Variants in TMEM132D observed in about 807,000 individuals in gnomAD.
TMEM132D encodes transmembrane protein 132D.
In TMEM132D, 21 loss-of-function variants were observed where a neutral mutation model predicts 62.3. The observed-to-expected ratio is 0.34, with a 90% CI of 0.24 to 0.49. TMEM132D has a LOEUF of 0.49. Among genes scored for constraint, TMEM132D ranks in the 20% least tolerant of loss-of-function variants. The pLI is 0.99. For missense variants in TMEM132D, 1,346 were observed against 1,402.8 expected (o/e 0.96, Z 0.65); for synonymous variants, 621 against 575.6 (o/e 1.08, Z -1.13).
intron 2 of TMEM132D, among the ~76,000 whole-genome samples, chr12:129,691,545 A>T (rs1881061048): frequency 6.6e-6 from 1 of 152,098 alleles, no homozygotes; most frequent in Admixed American, 6.5e-5. Flanking sequence ...CTTCTTTGAG[A>T]TATATTGCAC....
chr12:129,276,394 C>G (rs1169060908), intron 4 of TMEM132D, among the ~76,000 whole-genome samples: 1 of 152,178 alleles, frequency 6.6e-6, no homozygotes, highest in African/African-American at 2.4e-5. Context: ...TTCAAGGACA[C>G]TTACAATAAA....
intron 4 of TMEM132D, among the ~76,000 whole-genome samples, chr12:129,271,298 A>T (rs762280155): frequency 6.6e-6 from 1 of 150,518 alleles, no homozygotes; most frequent in African/African-American, 2.5e-5. Flanking sequence ...CCAAAGCTAA[A>T]ATCAGAACAG....
chr12:129,452,399 G>A (rs565699534), intron 3 of TMEM132D, among the ~76,000 whole-genome samples: 44 of 152,292 alleles, frequency 2.9e-4, no homozygotes, highest in Middle Eastern at 3.4e-3. Flanking sequence ...TTCATCTTCC[G>A]TGCTTACAAA....
intron 5 of TMEM132D, among the ~76,000 whole-genome samples, chr12:129,140,241 C>CACAA (rs1390639586): frequency 6.6e-6 from 1 of 151,630 alleles, no homozygotes; most frequent in East Asian, 1.9e-4. Flanking sequence ...CACACACACA[C>CACAA]ACGGTAACTA....
chr12:129,185,439 C>G (rs761015229), intron 5 of TMEM132D, among the ~76,000 whole-genome samples: 2 of 152,072 alleles, frequency 1.3e-5, no homozygotes, highest in African/African-American at 4.8e-5. Context: ...AATGTGTCCA[C>G]GCATAAAGTG....
chr12:129,762,099 C>A (rs1295764757), intron 1 of TMEM132D, among the ~76,000 whole-genome samples: 1 of 152,178 alleles, frequency 6.6e-6, no homozygotes, highest in Non-Finnish European at 1.5e-5. Flanking sequence ...GGGGCTCCAA[C>A]TGCACACTTA....
chr12:129,782,541 C>A (rs61943425), intron 1 of TMEM132D, among the ~76,000 whole-genome samples: 9,073 of 152,294 alleles, frequency 0.06, 317 homozygotes, highest in East Asian at 0.1. Flanking sequence ...CCTAAAATTG[C>A]GCCTGGCCTC....
intron 3 of TMEM132D, among the ~76,000 whole-genome samples, chr12:129,514,147 C>A (rs1429466508): frequency 6.6e-6 from 1 of 152,028 alleles, no homozygotes; most frequent in East Asian, 1.9e-4. Context: ...CCAATGGGGA[C>A]CAAATTTTAA....
At chr12:129,704,892 G>T (rs995574548) in intron 1 of TMEM132D, among the ~76,000 whole-genome samples, 2 of 151,764 alleles carry the variant, frequency 1.3e-5, no homozygotes, top group South Asian at 2.1e-4. Context: ...TATACAAAAT[G>T]ACTTCGGAGC....
At chr12:129,116,730 A>AC (rs113426141) in intron 5 of TMEM132D, among the ~76,000 whole-genome samples, 321 of 152,222 alleles carry the variant, frequency 2.1e-3, no homozygotes, top group African/African-American at 7.1e-3. Flanking sequence ...AATCCAAAAT[A>AC]CTGACAACAC....
intron 1 of TMEM132D, among the ~76,000 whole-genome samples, chr12:129,723,032 G>A (rs1868898009): frequency 6.6e-6 from 1 of 152,108 alleles, no homozygotes; most frequent in Non-Finnish European, 1.5e-5. Context: ...GTAAGCCACT[G>A]TGCCCGGCCG....
intron 3 of TMEM132D, among the ~76,000 whole-genome samples, chr12:129,475,278 AAAG>A (rs1874223232): frequency 6.6e-6 from 1 of 152,198 alleles, no homozygotes; most frequent in Non-Finnish European, 1.5e-5. Context: ...CTGGAACCAC[AAAG>A]AAGGCCACTG....
intron 2 of TMEM132D, among the ~76,000 whole-genome samples, chr12:129,609,245 A>C (rs1878706932): frequency 6.6e-6 from 1 of 152,048 alleles, no homozygotes; most frequent in Admixed American, 6.5e-5. Context: ...ATGCCTGGCC[A>C]AGTTGTTCAC....
intron 5 of TMEM132D, chr12:129,085,203 T>G (rs1182499363): frequency 6.1e-6 from 1 of 164,662 alleles, no homozygotes; most frequent in Non-Finnish European, 1.3e-5. Flanking sequence ...CACCTGGACC[T>G]GACCTTGCTT....
Position 129,071,990 on chromosome 12 carries a change from G to A in TMEM132D, c.*1885C>T, listed in dbSNP as rs1370928864. The A allele has an allele frequency of 6.6e-6, 1 of 152,124 alleles. No individual in the cohort carries two copies. Among genetic ancestry groups the A allele is most frequent in the African/African-American group, 2.4e-5 (1 of 41,420 alleles). The allele number at this position is 152,124 out of a possible 1,614,324, so 9.4% of individuals were successfully genotyped here. Reference sequence around the variant, plus strand: ...TGCGGACAGGAGCAGGTGACTTACTGGCTGCAGAAACCTCAGTCTCAAGAG... The same window carrying A: ...TGCGGACAGGAGCAGGTGACTTACTAGCTGCAGAAACCTCAGTCTCAAGAG... On this transcript the variant is annotated 3_prime_UTR_variant, in exon 9 of 9. Transcript: ENST00000422113.
intron 1 of TMEM132D, among the ~76,000 whole-genome samples, chr12:129,849,511 G>A (rs1452047439): frequency 6.6e-6 from 1 of 152,160 alleles, no homozygotes; most frequent in African/African-American, 2.4e-5. Flanking sequence ...CTCGAGTTAT[G>A]TGAACACAGC....
At chr12:129,183,225 C>T (rs1490372708) in intron 5 of TMEM132D, among the ~76,000 whole-genome samples, 1 of 152,230 alleles carries the variant, frequency 6.6e-6, no homozygotes, top group African/African-American at 2.4e-5. Flanking sequence ...TAGTCTGGAA[C>T]AGCCAAAGTA....
intron 3 of TMEM132D, among the ~76,000 whole-genome samples, chr12:129,475,778 T>G (rs746882444): frequency 6.6e-6 from 1 of 152,196 alleles, no homozygotes; most frequent in Non-Finnish European, 1.5e-5. Context: ...GTCTGCACCG[T>G]GTAAAGACAG....
intron 3 of TMEM132D, among the ~76,000 whole-genome samples, chr12:129,507,743 C>T (rs762363815): frequency 6.6e-6 from 1 of 152,132 alleles, no homozygotes; most frequent in Non-Finnish European, 1.5e-5. Context: ...TAAAAGACTA[C>T]AAATTGAGTG....
Sources: gnomAD v4.1 joint callset for allele counts (sites outside exome capture counted in the v4.1 genomes callset) on GRCh38, gnomAD v4.1.1 for gene constraint, MANE v1.5 for transcripts, NCBI Gene and HGNC (gene_info 2026-07-23, HGNC 2026-07-21) for gene names.